The following ST18 variants were observed in gnomAD, a reference collection of about 807,000 sequenced individuals.
ST18 encodes ST18 C2H2C-type zinc finger transcription factor.
In ST18, 50 loss-of-function variants were observed where a neutral mutation model predicts 110.0. The ratio of observed to expected loss-of-function variants is 0.45; its 90% CI spans 0.36 to 0.58. The LOEUF (loss-of-function observed/expected upper bound fraction) is 0.58, where lower values mean the gene tolerates loss of function less well. Among genes scored for constraint, ST18 ranks in the 20% least tolerant of loss-of-function variants. The pLI, the probability that ST18 is intolerant of heterozygous loss-of-function variation, is 0.00. For synonymous variants in ST18, 461 were observed against 452.4 expected, an observed-to-expected ratio of 1.02 and a Z score of -0.24; for missense variants, 1,306 against 1,280.1, an observed-to-expected ratio of 1.02 and a Z score of -0.31.
intron 8 of ST18, among the ~76,000 whole-genome samples, chr8:52,182,799 A>AAGAAGGAGGAGAAGG (rs2070342505): frequency 6.6e-6 from 1 of 152,186 alleles, no homozygotes. Context: ...AACAGGACTG[A>AAGAAGGAGGAGAAGG]AGAAGGAGGA....
chr8:52,145,074 G>A (rs1343114648), intron 16 of ST18, among the ~76,000 whole-genome samples: 4 of 147,230 alleles, frequency 2.7e-5, no homozygotes, highest in African/African-American at 7.5e-5. Flanking sequence ...TTTTTTTAAC[G>A]AAAACGGCAT....
At chr8:52,375,809 G>A (rs910413563) in intron 2 of ST18, among the ~76,000 whole-genome samples, 5 of 152,028 alleles carry the variant, frequency 3.3e-5, no homozygotes, top group African/African-American at 1.2e-4. Flanking sequence ...AACACACCCG[G>A]ACTGAGCCGC....
At chr8:52,268,526 ACTAT>A (rs202169257) in intron 2 of ST18, among the ~76,000 whole-genome samples, 151 of 126,556 alleles carry the variant, frequency 1.2e-3, no homozygotes, top group African/African-American at 2.0e-3. Flanking sequence ...TATCTATCTT[ACTAT>A]CTATCATCTA....
At chr8:52,277,301 G>A (rs562493600) in intron 2 of ST18, among the ~76,000 whole-genome samples, 1 of 152,200 alleles carries the variant, frequency 6.6e-6, no homozygotes, top group East Asian at 1.9e-4. Flanking sequence ...TGCTCATCTC[G>A]ACCCTGGTTC....
chr8:52,124,336 G>C (rs751615520), intron 23 of ST18, among the ~76,000 whole-genome samples: 26 of 151,946 alleles, frequency 1.7e-4, no homozygotes, highest in Non-Finnish European at 3.4e-4. Context: ...CACCACACTG[G>C]CTAATTTTTT....
At chr8:52,129,048 G>A (rs901976891) in intron 22 of ST18, among the ~76,000 whole-genome samples, 1 of 135,578 alleles carries the variant, frequency 7.4e-6, no homozygotes, top group East Asian at 1.9e-4. Flanking sequence ...AGTCATGTAA[G>A]TCATCCTGCA....
At chr8:52,334,336 A>G (rs549680287) in intron 2 of ST18, among the ~76,000 whole-genome samples, 3 of 152,328 alleles carry the variant, frequency 2.0e-5, no homozygotes, top group South Asian at 4.2e-4. Flanking sequence ...ATGGGAAGGA[A>G]GAAAATTATT....
chr8:52,247,064 T>C (rs989905530), intron 2 of ST18, among the ~76,000 whole-genome samples: 1 of 152,192 alleles, frequency 6.6e-6, no homozygotes, highest in African/African-American at 2.4e-5. Context: ...AAGCATTTTA[T>C]AGCTCCTCTT....
intron 2 of ST18, among the ~76,000 whole-genome samples, chr8:52,339,969 T>G (rs114799259): frequency 0.015 from 2,216 of 152,368 alleles, 61 homozygotes; most frequent in African/African-American, 0.051. Flanking sequence ...GTAAGTTACA[T>G]TGCTTTGCCT....
At chr8:52,263,445 G>A (rs1215874419) in intron 2 of ST18, among the ~76,000 whole-genome samples, 1 of 152,198 alleles carries the variant, frequency 6.6e-6, no homozygotes, top group Non-Finnish European at 1.5e-5. Context: ...ATGTACTCAA[G>A]TGACTGTGGA....
At chr8:52,185,572 A>G (rs1475135785) in intron 8 of ST18, among the ~76,000 whole-genome samples, 1 of 151,878 alleles carries the variant, frequency 6.6e-6, no homozygotes, top group Non-Finnish European at 1.5e-5. Flanking sequence ...TGCAAATATT[A>G]AAAAAAACAG....
chr8:52,155,786 A>T (rs1235950736), intron 15 of ST18, among the ~76,000 whole-genome samples: 2 of 152,134 alleles, frequency 1.3e-5, no homozygotes, highest in African/African-American at 4.8e-5. Flanking sequence ...ACCAATTCAG[A>T]TTGCCCATTA....
At chr8:52,160,931 T>C (rs1201517963) in intron 14 of ST18, among the ~76,000 whole-genome samples, 2 of 152,202 alleles carry the variant, frequency 1.3e-5, no homozygotes, top group African/African-American at 2.4e-5. Flanking sequence ...CACCTTTAGT[T>C]TGAATGCTTT....
intron 2 of ST18, among the ~76,000 whole-genome samples, chr8:52,349,170 A>T (rs1159008681): frequency 6.6e-6 from 1 of 152,102 alleles, no homozygotes; most frequent in Non-Finnish European, 1.5e-5. Flanking sequence ...GCAGCCCTTG[A>T]CAATATCTCC....
In ST18 at chr8:52,124,863, C is replaced by CTCGAGTGT. The variant is rs200408213; in HGVS notation, c.2755+1188_2755+1189insACACTCGA. On this transcript the variant is annotated intron_variant, in intron 23 of 25. Transcript: ENST00000689386. The stretch of plus-strand genomic sequence containing the variant: ...GGCCTTGGAAGGAAACAGTAGGAAG[C>CTCGAGTGT]TTTCCCTCCCTTGGATACTGCATGT... Among the ~76,000 whole-genome samples the CTCGAGTGT allele has an allele frequency of 9.2e-3, 1,404 of 152,184 alleles. 10 individuals are homozygous for CTCGAGTGT. The highest frequency in any genetic ancestry group is 0.031 in the Middle Eastern group (9 of 294).
chr8:52,189,521 T>C (rs969275710), intron 8 of ST18, among the ~76,000 whole-genome samples: 1 of 152,230 alleles, frequency 6.6e-6, no homozygotes, highest in Admixed American at 6.5e-5. Flanking sequence ...CTTGGCTTTT[T>C]GTCTCTGGGC....
At chr8:52,179,019 T>C (rs923054114) in intron 9 of ST18, among the ~76,000 whole-genome samples, 4 of 152,228 alleles carry the variant, frequency 2.6e-5, no homozygotes, top group African/African-American at 7.2e-5. Context: ...CATAAGAATC[T>C]CATTGCCTTT....
chr8:52,179,783 C>A (rs1218389467), intron 9 of ST18, among the ~76,000 whole-genome samples: 1 of 151,974 alleles, frequency 6.6e-6, no homozygotes, highest in Non-Finnish European at 1.5e-5. Flanking sequence ...TTAAAGGATT[C>A]TTTCAGGAAT....
intron 2 of ST18, among the ~76,000 whole-genome samples, chr8:52,375,707 T>C (rs1372270079): frequency 6.6e-6 from 1 of 152,188 alleles, no homozygotes; most frequent in African/African-American, 2.4e-5. Flanking sequence ...CCAAATGTGC[T>C]TCTGCAGCCA....
Sources: allele counts gnomAD v4.1 joint callset (sites outside exome capture counted in the v4.1 genomes callset), GRCh38; gene constraint gnomAD v4.1.1; transcripts MANE v1.5; gene names NCBI Gene and HGNC (gene_info 2026-07-23, HGNC 2026-07-21).